The following SFSWAP variants were observed in gnomAD, a reference collection of about 807,000 sequenced individuals.
SFSWAP encodes the protein splicing factor, suppressor of white-apricot homolog.
SFSWAP carries 17 observed loss-of-function variants against 100.7 expected under a neutral mutation model. The observed-to-expected ratio is 0.17, with a 90% CI of 0.12 to 0.25. The LOEUF (loss-of-function observed/expected upper bound fraction) is 0.25, where lower values mean the gene tolerates loss of function less well. Ranked by LOEUF, SFSWAP falls within the 10% of genes least tolerant of loss-of-function variation. The pLI is 1.00. For synonymous variants in SFSWAP, 504 were observed against 510.1 expected (o/e 0.99, Z 0.16); for missense variants, 1,005 against 1,262.6 (o/e 0.80, Z 3.09).
At chr12:131,745,482 C>T (rs897841800) in intron 7 of SFSWAP, among the ~76,000 whole-genome samples, 2 of 152,136 alleles carry the variant, frequency 1.3e-5, no homozygotes, top group African/African-American at 4.8e-5. Flanking sequence ...TCTAACATCC[C>T]CTGGGTGTAT....
chr12:131,760,390 A>C (rs1488879230), intron 11 of SFSWAP, among the ~76,000 whole-genome samples: 1 of 152,262 alleles, frequency 6.6e-6, no homozygotes, highest in Admixed American at 6.5e-5. Context: ...ATATGGTTCC[A>C]AAAAGAAAAA....
At chr12:131,763,227 C>G (rs1882825335) in intron 11 of SFSWAP, among the ~76,000 whole-genome samples, 1 of 152,196 alleles carries the variant, frequency 6.6e-6, no homozygotes, top group Non-Finnish European at 1.5e-5. Flanking sequence ...AGGTAGCCCA[C>G]CCTGTGCTAC....
In SFSWAP at chr12:131,753,852, C is replaced by T. The variant is rs572664970; in HGVS notation, c.1322+489C>T. 2.3e-3 allele frequency among the ~76,000 whole-genome samples: 344 copies of T among 152,222 alleles called. 4 individuals are homozygous for T. Among genetic ancestry groups the T allele is most frequent in the African/African-American group, 7.8e-3 (325 of 41,546 alleles). ...GGCAGAGCCCTAGCTTCTCCAGCAG[C>T]GAGGGCCCCCAGTGTTCAGGGGACG... On this transcript the variant is annotated intron_variant, in intron 8 of 17. Coordinates refer to ENST00000261674, the MANE Select transcript of SFSWAP (RefSeq NM_004592.4).
chr12:131,754,311 G>C lies in SFSWAP; in HGVS notation c.1323-57G>C, dbSNP rs574246659. ...GGCGGTGAGGACCCCCGAGCAGCCA[G>C]GACTGAGCTTGGCGAGCCCCTGAAG... is the stretch of plus-strand genomic sequence containing the variant. On this transcript the variant is annotated intron_variant, in intron 8 of 17. Coordinates refer to ENST00000261674, the MANE Select transcript of SFSWAP (RefSeq NM_004592.4). 30 of 1,435,214 alleles carry C rather than the reference G, an allele frequency of 2.1e-5. No individual in the cohort carries two copies. In the South Asian group the frequency reaches 4.3e-4, roughly 20 times the overall value. 88.9% of individuals were successfully genotyped at this position (1,435,214 alleles called of 1,614,324 possible). A position where few individuals can be genotyped will look rare whatever the true frequency, so the allele number is the denominator to read the frequency against.
intron 7 of SFSWAP, among the ~76,000 whole-genome samples, chr12:131,737,701 AC>A (rs1347085792): frequency 6.6e-6 from 1 of 152,020 alleles, no homozygotes; most frequent in African/African-American, 2.4e-5. Flanking sequence ...CTTAGGATAT[AC>A]TCAGTCGTTC....
chr12:131,727,856 G>T (rs1455508250), intron 6 of SFSWAP, among the ~76,000 whole-genome samples: 1 of 152,172 alleles, frequency 6.6e-6, no homozygotes, highest in Non-Finnish European at 1.5e-5. Context: ...TAAAAAACAG[G>T]AGTCTATTAG....
chr12:131,765,285 C>G (rs922186311), intron 12 of SFSWAP, among the ~76,000 whole-genome samples: 1 of 152,234 alleles, frequency 6.6e-6, no homozygotes, highest in Non-Finnish European at 1.5e-5. Flanking sequence ...TGGTTGTTAT[C>G]TATTCTAACT....
At chr12:131,747,172 A>G (rs1881215448) in intron 7 of SFSWAP, among the ~76,000 whole-genome samples, 1 of 151,196 alleles carries the variant, frequency 6.6e-6, no homozygotes, top group Non-Finnish European at 1.5e-5. Flanking sequence ...ACAGGTGTTG[A>G]GCGATTTGCA....
intron 7 of SFSWAP, among the ~76,000 whole-genome samples, chr12:131,731,251 C>T (rs1344311168): frequency 6.6e-6 from 1 of 152,222 alleles, no homozygotes; most frequent in East Asian, 1.9e-4. Flanking sequence ...TCCAGCACCA[C>T]GCAAGCCCGG....
chr12:131,726,890 CT>C (rs150928130), intron 5 of SFSWAP, 49 bp from the exon 6 acceptor site: 3 of 1,169,312 alleles, frequency 2.6e-6, no homozygotes, highest in South Asian at 1.3e-5. Context: ...TTAATTTGTA[CT>C]TTTTTTCTCA....
intron 13 of SFSWAP, among the ~76,000 whole-genome samples, chr12:131,769,825 C>T (rs1883439887): frequency 6.6e-6 from 1 of 152,140 alleles, no homozygotes; most frequent in East Asian, 1.9e-4. Context: ...GACGGGGTTT[C>T]ACCATGTTAG....
intron 13 of SFSWAP, among the ~76,000 whole-genome samples, chr12:131,772,916 G>A (rs1883732183): frequency 6.6e-6 from 1 of 152,132 alleles, no homozygotes; most frequent in Non-Finnish European, 1.5e-5. Context: ...CTGACAAGGG[G>A]GTACAGCAGG....
intron 15 of SFSWAP, among the ~76,000 whole-genome samples, chr12:131,791,915 G>A (rs767275627): frequency 6.6e-6 from 1 of 152,252 alleles, no homozygotes; most frequent in Non-Finnish European, 1.5e-5. Flanking sequence ...GATCAGTACT[G>A]TGTGCACCCG....
intron 3 of SFSWAP, among the ~76,000 whole-genome samples, chr12:131,716,947 T>C (rs1172260410): frequency 6.6e-6 from 1 of 152,256 alleles, no homozygotes; most frequent in Non-Finnish European, 1.5e-5. Flanking sequence ...AAGTTCTCTT[T>C]AGTATTTTAC....
intron 15 of SFSWAP, among the ~76,000 whole-genome samples, chr12:131,795,384 A>G (rs917367820): frequency 6.6e-6 from 1 of 152,252 alleles, no homozygotes; most frequent in South Asian, 2.1e-4. Context: ...GAGCCCGGAC[A>G]GAAACGCTCA....
At chr12:131,719,228 T>C (rs1007109606) in intron 3 of SFSWAP, among the ~76,000 whole-genome samples, 2 of 152,124 alleles carry the variant, frequency 1.3e-5, no homozygotes, top group Non-Finnish European at 2.9e-5. Flanking sequence ...ACACTCCTTC[T>C]GCTGCACCCC....
At chr12:131,750,927 G>T (rs555201201) in intron 7 of SFSWAP, among the ~76,000 whole-genome samples, 1 of 152,284 alleles carries the variant, frequency 6.6e-6, no homozygotes, top group African/African-American at 2.4e-5. Context: ...TCCCACCTCA[G>T]CCTACCAAAG....
At chr12:131,779,237 G>A (rs12229869) in intron 14 of SFSWAP, among the ~76,000 whole-genome samples, 7 of 142,150 alleles carry the variant, frequency 4.9e-5, no homozygotes, top group African/African-American at 1.8e-4. Flanking sequence ...GCGGGTGAGC[G>A]TGTGTGAAGA....
intron 15 of SFSWAP, among the ~76,000 whole-genome samples, chr12:131,792,821 C>A (rs546300824): frequency 3.3e-5 from 5 of 152,332 alleles, no homozygotes; most frequent in Non-Finnish European, 7.3e-5. Flanking sequence ...CTCAGAGCTC[C>A]CACGGCTTTT....
Sources: allele counts gnomAD v4.1 joint callset (sites outside exome capture counted in the v4.1 genomes callset), GRCh38; gene constraint gnomAD v4.1.1; transcripts MANE v1.5; gene names NCBI Gene and HGNC (gene_info 2026-07-23, HGNC 2026-07-21).